KDM5A: variants seen among roughly 807,000 people sequenced by gnomAD.
KDM5A encodes the protein lysine demethylase 5A, also known as lysine-specific demethylase 5A.
KDM5A carries 42 observed loss-of-function variants against 193.5 expected under a neutral mutation model. The ratio of observed to expected loss-of-function variants is 0.22; its 90% confidence interval spans 0.17 to 0.28. The LOEUF is 0.28. KDM5A is among the 10% of genes least tolerant of loss of function. The pLI is 1.00. For synonymous variants in KDM5A, 796 were observed against 718.1 expected (o/e 1.11, Z -1.73); for missense variants, 1,692 against 2,055.1 (o/e 0.82, Z 3.42).
rs1565543263 is a variant in KDM5A at position 352,317 on chromosome 12, C to T, written c.1037G>A (p.Ser346Asn). The T allele has an allele frequency of 6.2e-7, 1 of 1,613,248 alleles. No homozygotes were observed. Among genetic ancestry groups the T allele is most frequent in the African/African-American group, 1.3e-5 (1 of 74,868 alleles). Residue 346 changes from serine (S) to asparagine (N), a missense_variant, in exon 9 of 28, where the codon AGC becomes AAC. Physicochemically the swap from Ser to Asn is conservative, Grantham distance 46. Around this residue, in one of 11 missense-constraint regions of KDM5A, gnomAD observed 62 missense variants for 107.1 expected, o/e 0.58. Transcript: ENST00000399788. ...AAATCCAAAGGCTTCTCGAGGTTTG[C>T]TACATTCCTGGAAAGAAAAAATATG... ...RCPKCVAEEC[S>N]KPREAFGFEQ...
At chr12:321,886 G>GA (rs200953088) in intron 17 of KDM5A, among the ~76,000 whole-genome samples, 431 of 151,070 alleles carry the variant, frequency 2.9e-3, no homozygotes, top group Non-Finnish European at 4.5e-3. Context: ...ATATGGCAAT[G>GA]AAAAAAAAAT....
At chr12:299,871 A>G (rs1943420516) in intron 24 of KDM5A, among the ~76,000 whole-genome samples, 1 of 151,180 alleles carries the variant, frequency 6.6e-6, no homozygotes, top group African/African-American at 2.4e-5. Context: ...ATGGAAAACA[A>G]AAAAAAAGCA....
At chr12:378,136 G>A (rs2137489714) in intron 3 of KDM5A, among the ~76,000 whole-genome samples, 1 of 152,184 alleles carries the variant, frequency 6.6e-6, no homozygotes, top group African/African-American at 2.4e-5. Context: ...GAGAAATGAA[G>A]AAACAGCAAT....
At chr12:371,366 G>GTGA (rs1354634773) in intron 3 of KDM5A, among the ~76,000 whole-genome samples, 16 of 152,126 alleles carry the variant, frequency 1.1e-4, no homozygotes, top group African/African-American at 3.6e-4. Context: ...CTGATGGCCA[G>GTGA]TGATGAGCAT....
intron 27 of KDM5A, among the ~76,000 whole-genome samples, chr12:286,867 T>C (rs1184281408): frequency 3.3e-5 from 5 of 152,214 alleles, no homozygotes; most frequent in Non-Finnish European, 7.3e-5. Flanking sequence ...TATGCTAAAG[T>C]TCTAGATCTT....
At chr12:361,212 G>A (rs1289960208) in intron 5 of KDM5A, among the ~76,000 whole-genome samples, 1 of 149,562 alleles carries the variant, frequency 6.7e-6, no homozygotes, top group Non-Finnish European at 1.5e-5. Flanking sequence ...TTTTTTTTCT[G>A]GAGACGGAGT....
At chr12:372,922 T>C (rs1289983343) in intron 3 of KDM5A, among the ~76,000 whole-genome samples, 1 of 152,234 alleles carries the variant, frequency 6.6e-6, no homozygotes, top group Non-Finnish European at 1.5e-5. Flanking sequence ...TGAACCAGTC[T>C]TGCATCCCAG....
rs764947364 is a variant in KDM5A at position 318,199 on chromosome 12, T to A, written c.2804A>T (p.His935Leu). The part of the protein sequence containing the change: ...LIDSGVGLAP[H>L]HAVEKAMAEL... The stretch of plus-strand genomic sequence containing the variant: ...AGCCATTGCTTTCTCCACAGCATGG[T>A]GGGGTGCCAACCCTACCCCAGAGTC... The change falls in exon 19 of 28, where the codon CAC (histidine) becomes CTC (leucine). Residue 935 changes from histidine (H) to leucine (L), a missense_variant. Around this residue, in one of 11 missense-constraint regions of KDM5A, gnomAD observed 965 missense variants for 1,061.0 expected, o/e 0.91. Coordinates refer to ENST00000399788, the MANE Select transcript of KDM5A (RefSeq NM_001042603.3). The A allele has an allele frequency of 3.1e-6, 5 of 1,614,172 alleles. No individual in the cohort carries two copies. The East Asian group carries it at 6.7e-5, about 22-fold the overall frequency.
At chr12:311,479 T>C (rs1388038740) in intron 20 of KDM5A, among the ~76,000 whole-genome samples, 1 of 147,778 alleles carries the variant, frequency 6.8e-6, no homozygotes, top group Admixed American at 6.8e-5. Flanking sequence ...CCCCACCTGG[T>C]AGAGAGACAG....
intron 2 of KDM5A, among the ~76,000 whole-genome samples, chr12:384,615 T>C (rs929189723): frequency 6.6e-6 from 1 of 152,154 alleles, no homozygotes; most frequent in South Asian, 2.1e-4. Context: ...AACTAGCCAA[T>C]AATAAAGAGG....
At chr12:353,137 G>A (rs1209788845) in intron 8 of KDM5A, among the ~76,000 whole-genome samples, 1 of 152,032 alleles carries the variant, frequency 6.6e-6, no homozygotes, top group East Asian at 1.9e-4. Flanking sequence ...TTGAGTCCAG[G>A]AGTTTAGACC....
intron 14 of KDM5A, among the ~76,000 whole-genome samples, chr12:327,070 A>G (rs1483743020): frequency 6.6e-6 from 1 of 152,140 alleles, no homozygotes; most frequent in Admixed American, 6.5e-5. Context: ...TTTTCTTAAA[A>G]TAGGAAAGAC....
rs137955086 is a variant in KDM5A at position 287,538 on chromosome 12, A to T, written c.4867-1876T>A. Among the ~76,000 whole-genome samples the T allele has an allele frequency of 5.4e-4, 82 of 152,194 alleles. No individual in the cohort carries two copies. The East Asian group carries it at 0.015, about 29-fold the overall frequency. The stretch of plus-strand genomic sequence containing the variant: ...GGGGAAATAATGGCATCTGTGCAAA[A>T]TGTAAAAATTAAAGTACTGCAAGCA... On this transcript the variant is annotated intron_variant, in intron 27 of 27. Coordinates refer to ENST00000399788, the MANE Select transcript of KDM5A (RefSeq NM_001042603.3).
Position 285,540 on chromosome 12 carries a change from C to T in KDM5A, c.4989G>A (p.Gly1663=), listed in dbSNP as rs752880045. The T allele has an allele frequency of 3.1e-6, 5 of 1,613,898 alleles. No homozygotes were observed. The highest frequency in any genetic ancestry group is 1.1e-5 in the South Asian group (1 of 91,082). ...GTGGTGCTGGACCTGGGCTAACTGG[C>T]CCCTGCTTCTTTGCACAGTTTATAC... ...YICINCAKKQ[G]PVSPGPAPPP... Residue 1663 remains glycine (G), a synonymous_variant, in exon 28 of 28, where the codon GGG becomes GGA. Coordinates refer to ENST00000399788, the MANE Select transcript of KDM5A (RefSeq NM_001042603.3).
At chr12:350,972 A>G (rs1395266877) in intron 9 of KDM5A, among the ~76,000 whole-genome samples, 193 bp from the exon 10 acceptor site, 1 of 152,204 alleles carries the variant, frequency 6.6e-6, no homozygotes, top group East Asian at 1.9e-4. Context: ...TCGGACGTTC[A>G]GAAAAACATA....
At position 280,463 on chromosome 12, in the gene KDM5A, G is replaced by A. The variant is rs757513051; in HGVS notation, c.*4993C>T. 7.3e-5 allele frequency: 17 copies of A among 232,744 alleles called. No homozygotes were observed. The highest frequency in any genetic ancestry group is 1.5e-4 in the African/African-American group (7 of 45,326). The allele number at this position is 232,744 out of a possible 1,614,324, so 14.4% of individuals were successfully genotyped here. A position where few individuals can be genotyped will look rare whatever the true frequency, so the allele number is the denominator to read the frequency against. ...TAATCAGATTCCCCTCCCTGCCCCCGCTCTTTCAACCAACCCTCCTCCTAA... is the reference window on the plus strand; with the variant it reads ...TAATCAGATTCCCCTCCCTGCCCCCACTCTTTCAACCAACCCTCCTCCTAA... On this transcript the variant is annotated 3_prime_UTR_variant, in exon 28 of 28. Transcript: ENST00000399788.
rs750189333 is a variant in KDM5A at position 334,426 on chromosome 12, T to C, written c.1309-4A>G. 3.1e-6 allele frequency: 5 copies of C among 1,611,616 alleles called. No homozygotes were observed. Among genetic ancestry groups the C allele is most frequent in the East Asian group, 4.5e-5 (2 of 44,848 alleles). ...TCCAACCAGAAAGTGCATATTCCTA[T>C]AAGAGAAGAAAAAACTGTAAATGAA... On this transcript the variant is annotated splice_polypyrimidine_tract_variant and splice_region_variant and intron_variant, in intron 10 of 27. Transcript: ENST00000399788.
intron 27 of KDM5A, among the ~76,000 whole-genome samples, chr12:288,715 G>C (rs185913026): frequency 1.3e-5 from 2 of 152,236 alleles, no homozygotes; most frequent in Admixed American, 1.3e-4. Flanking sequence ...ATTTGAAAAA[G>C]GAAAACAATT....
intron 9 of KDM5A, among the ~76,000 whole-genome samples, chr12:351,128 C>G (rs1191613522): frequency 6.6e-6 from 1 of 152,122 alleles, no homozygotes; most frequent in Non-Finnish European, 1.5e-5. Flanking sequence ...ATGATTTTAA[C>G]ACAAAATTTC....
Sources: gnomAD v4.1 joint callset for allele counts (sites outside exome capture counted in the v4.1 genomes callset) on GRCh38, gnomAD v4.1.1 for gene constraint, gnomAD v4.1.1 regional missense constraint, MANE v1.5 for transcripts, NCBI Gene and HGNC (gene_info 2026-07-23, HGNC 2026-07-21) for gene names.